Variants in ZNF407 observed in about 807,000 individuals in gnomAD.
ZNF407 encodes zinc finger protein 407.
ZNF407 carries 17 observed loss-of-function variants against 131.2 expected under a neutral mutation model. The observed-to-expected ratio is 0.13, with a 90% CI of 0.09 to 0.19. The LOEUF (loss-of-function observed/expected upper bound fraction) is 0.19. ZNF407 is among the 10% of genes least tolerant of loss of function. The pLI, the probability that ZNF407 is intolerant of heterozygous loss-of-function variation, is 1.00. For synonymous variants in ZNF407, 1,156 were observed against 1,062.0 expected, an observed-to-expected ratio of 1.09 and a Z score of -1.72; for missense variants, 2,681 against 2,830.6, an observed-to-expected ratio of 0.95 and a Z score of 1.20.
chr18:74,876,118 T>G (rs1436272659), intron 4 of ZNF407, among the ~76,000 whole-genome samples: 1 of 152,208 alleles, frequency 6.6e-6, no homozygotes, highest in Non-Finnish European at 1.5e-5. Flanking sequence ...TGTGAAAGTA[T>G]ACACTCAACA....
chr18:74,858,547 A>C (rs1214008982), intron 4 of ZNF407, among the ~76,000 whole-genome samples: 1 of 152,192 alleles, frequency 6.6e-6, no homozygotes, highest in African/African-American at 2.4e-5. Context: ...GGGAACAGGT[A>C]GTACTTGTGT....
At chr18:74,755,512 ATT>A (rs1181197333) in intron 3 of ZNF407, among the ~76,000 whole-genome samples, 11 of 145,850 alleles carry the variant, frequency 7.5e-5, no homozygotes, top group Non-Finnish European at 1.6e-4. Flanking sequence ...TCTTAATTGT[ATT>A]TCATTGATGT....
intron 8 of ZNF407, among the ~76,000 whole-genome samples, chr18:75,015,750 C>T (rs2122191650): frequency 6.6e-6 from 1 of 151,634 alleles, no homozygotes; most frequent in African/African-American, 2.4e-5. Flanking sequence ...CAAAAGTACC[C>T]TGGCAAAAAA....
At chr18:74,762,717 C>T (rs1969124270) in intron 3 of ZNF407, among the ~76,000 whole-genome samples, 1 of 151,288 alleles carries the variant, frequency 6.6e-6, no homozygotes, top group Non-Finnish European at 1.5e-5. Flanking sequence ...TTTTTAAAAT[C>T]ATCATAGCTG....
intron 3 of ZNF407, among the ~76,000 whole-genome samples, chr18:74,696,992 A>T (rs184274576): frequency 6.6e-6 from 1 of 152,340 alleles, no homozygotes; most frequent in East Asian, 1.9e-4. Flanking sequence ...GTTTATTAAA[A>T]TATGCTTAAA....
rs200196636 is a variant in ZNF407, at chr18:74,632,697, C to T, written c.1678C>T (p.Arg560Cys). The T allele has an allele frequency of 8.8e-5, 142 of 1,614,004 alleles. 1 individual carries two copies. The highest frequency in any genetic ancestry group is 6.5e-4 in the African/African-American group (49 of 75,040). The change falls in exon 2 of 9, where the codon CGT (arginine) becomes TGT (cysteine). Residue 560 changes from arginine to cysteine, a missense_variant. This residue lies in a region of ZNF407 where 1,789 missense variants were observed against 1,748.7 expected (regional missense o/e 1.02). Transcript: ENST00000299687. ...TGCCAGAGAGATGAAATTTTACTGC[C>T]GTACTTGTGACTTCTCTAGTATGTC... ...CHAREMKFYC[R>C]TCDFSSMSRR...
intron 1 of ZNF407, among the ~76,000 whole-genome samples, chr18:74,627,834 C>CTG (rs1460331812): frequency 0.018 from 2,435 of 135,588 alleles, 76 homozygotes; most frequent in African/African-American, 0.065. Context: ...CTGCCCTGCC[C>CTG]CGCCCCACCC....
At position 74,849,065 on chromosome 18, in the gene ZNF407, T is replaced by TA. The variant is rs1343254081; in HGVS notation, c.4878-28132_4878-28131insA. On this transcript the variant is annotated intron_variant, in intron 4 of 8. Coordinates refer to ENST00000299687, the MANE Select transcript of ZNF407 (RefSeq NM_017757.3). ...CTACTTTTGTTTCTTTTTTTTTTTT[T>TA]TATTTTTTATTTTTTGTTGCTGTTG... Among the ~76,000 whole-genome samples the TA allele has an allele frequency of 2.6e-4, 38 of 146,232 alleles. 2 individuals are homozygous for TA. The highest frequency in any genetic ancestry group is 2.2e-3 in the East Asian group (11 of 5,048).
At chr18:74,986,693 A>C (rs1484538275) in intron 8 of ZNF407, among the ~76,000 whole-genome samples, 5 of 152,206 alleles carry the variant, frequency 3.3e-5, no homozygotes, top group Non-Finnish European at 7.3e-5. Context: ...CAATAAATGT[A>C]GATAGCTGGA....
chr18:74,808,797 T>C (rs1222380038), intron 4 of ZNF407, among the ~76,000 whole-genome samples: 2 of 152,218 alleles, frequency 1.3e-5, no homozygotes, highest in Non-Finnish European at 2.9e-5. Flanking sequence ...GTCATCACTT[T>C]GATAGACATG....
At chr18:74,929,258 G>A (rs548931072) in intron 8 of ZNF407, among the ~76,000 whole-genome samples, 45 of 152,226 alleles carry the variant, frequency 3.0e-4, no homozygotes, top group African/African-American at 1.0e-3. Flanking sequence ...TTCCTTCCCG[G>A]CTCCCTTCCC....
chr18:74,864,987 A>G (rs538135217), intron 4 of ZNF407, among the ~76,000 whole-genome samples: 5 of 152,344 alleles, frequency 3.3e-5, no homozygotes, highest in East Asian at 1.9e-4. Context: ...AACAATATCT[A>G]TAATTAGCTG....
At chr18:74,710,900 C>A (rs757080492) in intron 3 of ZNF407, among the ~76,000 whole-genome samples, 2 of 152,152 alleles carry the variant, frequency 1.3e-5, no homozygotes, top group African/African-American at 4.8e-5. Context: ...TGTGAATAGA[C>A]GAGTGAGGCT....
At chr18:74,771,380 C>T (rs767162507) in intron 3 of ZNF407, among the ~76,000 whole-genome samples, 3 of 151,804 alleles carry the variant, frequency 2.0e-5, no homozygotes, top group East Asian at 1.9e-4. Flanking sequence ...CAGGTTTTTC[C>T]GTATTGTTTA....
At chr18:74,734,946 T>C (rs1968380166) in intron 3 of ZNF407, among the ~76,000 whole-genome samples, 1 of 152,150 alleles carries the variant, frequency 6.6e-6, no homozygotes, top group Non-Finnish European at 1.5e-5. Flanking sequence ...GCTACTTACC[T>C]CTTAGTTGCC....
intron 3 of ZNF407, among the ~76,000 whole-genome samples, chr18:74,688,204 T>C (rs1476875540): frequency 2.0e-5 from 3 of 152,222 alleles, no homozygotes; most frequent in Non-Finnish European, 4.4e-5. Flanking sequence ...TGATTGCCTT[T>C]GAGAACAGAT....
intron 8 of ZNF407, among the ~76,000 whole-genome samples, chr18:74,969,789 A>G (rs921582221): frequency 1.3e-4 from 20 of 152,130 alleles, no homozygotes; most frequent in Admixed American, 1.1e-3. Context: ...TTTTTCAACC[A>G]GGCACTTGTT....
At chr18:75,002,424 G>A (rs754899042) in intron 8 of ZNF407, among the ~76,000 whole-genome samples, 2 of 152,040 alleles carry the variant, frequency 1.3e-5, no homozygotes, top group African/African-American at 4.8e-5. Flanking sequence ...GAACATTTAC[G>A]TTCCAGTTCT....
At position 74,996,185 on chromosome 18, in the gene ZNF407, C is replaced by T. The variant is rs144608807; in HGVS notation, c.5429-66965C>T. On this transcript the variant is annotated intron_variant, in intron 8 of 8. Coordinates refer to ENST00000299687, the MANE Select transcript of ZNF407 (RefSeq NM_017757.3). The stretch of plus-strand genomic sequence containing the variant: ...TTTATGAAACAGAGAAGGCAGCTTC[C>T]GTAAGGTAAATCCTACTAGATGAGG... 4.4e-3 allele frequency among the ~76,000 whole-genome samples: 668 copies of T among 152,180 alleles called. 4 individuals carry two copies. Among genetic ancestry groups the T allele is most frequent in the Non-Finnish European group, 5.5e-3 (371 of 68,020 alleles).
Sources: allele counts gnomAD v4.1 joint callset (sites outside exome capture counted in the v4.1 genomes callset), GRCh38; gene constraint gnomAD v4.1.1; regional missense constraint gnomAD v4.1.1; transcripts MANE v1.5; gene names NCBI Gene and HGNC (gene_info 2026-07-23, HGNC 2026-07-21).